The following CTNNA2 variants were observed in gnomAD, a reference collection of about 807,000 sequenced individuals.
CTNNA2 encodes catenin alpha 2, also known as catenin alpha-2.
Under a neutral mutation model 101.0 loss-of-function variants are expected in CTNNA2, and 42 were observed. The observed-to-expected ratio is 0.42, with a 90% confidence interval of 0.32 to 0.54. The LOEUF (loss-of-function observed/expected upper bound fraction) is 0.54, where lower values mean the gene tolerates loss of function less well. Among genes scored for constraint, CTNNA2 ranks in the 20% least tolerant of loss-of-function variants. The pLI, the probability that CTNNA2 is intolerant of heterozygous loss-of-function variation, is 0.14. For synonymous variants in CTNNA2, 450 were observed against 456.4 expected (o/e 0.99, Z 0.18); for missense variants, 871 against 1,223.1 (o/e 0.71, Z 4.29).
intron 4 of CTNNA2, among the ~76,000 whole-genome samples, chr2:79,413,529 G>A (rs1009022554): frequency 2.6e-5 from 4 of 152,030 alleles, no homozygotes; most frequent in African/African-American, 9.7e-5. Context: ...AATCATGGGA[G>A]TGTGAATACC....
chr2:80,080,314 C>T (rs142977376), intron 7 of CTNNA2, among the ~76,000 whole-genome samples: 12 of 152,178 alleles, frequency 7.9e-5, no homozygotes, highest in African/African-American at 1.2e-4. Flanking sequence ...GTGGTACTGG[C>T]GAAAGGAGAC....
At chr2:79,955,958 A>C (rs933602287) in intron 7 of CTNNA2, among the ~76,000 whole-genome samples, 2 of 152,250 alleles carry the variant, frequency 1.3e-5, no homozygotes, top group African/African-American at 4.8e-5. Flanking sequence ...GTTTCTGATA[A>C]GAAGTAAAAG....
chr2:79,773,163 G>T (rs945822666), intron 3 of CTNNA2, among the ~76,000 whole-genome samples: 1 of 152,194 alleles, frequency 6.6e-6, no homozygotes, highest in African/African-American at 2.4e-5. Flanking sequence ...ACATAAACTG[G>T]AAGTGTGAGT....
intron 9 of CTNNA2, among the ~76,000 whole-genome samples, chr2:80,512,677 CTTTT>C (rs5832456): frequency 6.6e-6 from 1 of 151,414 alleles, no homozygotes; most frequent in Non-Finnish European, 1.5e-5. Context: ...TTTTTAAATT[CTTTT>C]TTTTTGTTTG....
chr2:79,484,861 T>G (rs1343374129), intron 4 of CTNNA2, among the ~76,000 whole-genome samples: 1 of 152,204 alleles, frequency 6.6e-6, no homozygotes, highest in Non-Finnish European at 1.5e-5. Flanking sequence ...GAATGTCATT[T>G]TCTGTGATTT....
At chr2:79,528,926 C>A (rs1672577213) in intron 1 of CTNNA2, among the ~76,000 whole-genome samples, 1 of 152,000 alleles carries the variant, frequency 6.6e-6, no homozygotes, top group Non-Finnish European at 1.5e-5. Context: ...GAAAGTGCGG[C>A]CCGTAAACAA....
intron 9 of CTNNA2, among the ~76,000 whole-genome samples, chr2:80,451,717 T>C (rs1192841189): frequency 6.6e-6 from 1 of 152,092 alleles, no homozygotes; most frequent in Admixed American, 6.5e-5. Flanking sequence ...TAAAATATTT[T>C]ATTTAATTTT....
intron 3 of CTNNA2, among the ~76,000 whole-genome samples, chr2:79,323,112 T>G (rs114091468): frequency 7.4e-4 from 113 of 152,248 alleles, no homozygotes; most frequent in African/African-American, 2.6e-3. Flanking sequence ...CCCAGTATGT[T>G]TAGGCTCTTC....
chr2:79,893,194 T>C (rs1167405432), intron 6 of CTNNA2, among the ~76,000 whole-genome samples: 7 of 152,172 alleles, frequency 4.6e-5, no homozygotes, highest in Non-Finnish European at 7.4e-5. Context: ...TTAAGTGATA[T>C]CTTTTCCACC....
chr2:79,611,009 G>T (rs1294788760), intron 1 of CTNNA2, among the ~76,000 whole-genome samples: 1 of 152,084 alleles, frequency 6.6e-6, no homozygotes, highest in African/African-American at 2.4e-5. Flanking sequence ...ACTGCAAATG[G>T]ATATATGTAG....
chr2:80,566,280 G>A (rs1694055549), intron 12 of CTNNA2, among the ~76,000 whole-genome samples: 1 of 152,106 alleles, frequency 6.6e-6, no homozygotes, highest in Admixed American at 6.6e-5. Context: ...TTTCATTTCA[G>A]AAGTGGCATC....
At chr2:79,987,523 T>A (rs552942957) in intron 7 of CTNNA2, among the ~76,000 whole-genome samples, 1 of 152,232 alleles carries the variant, frequency 6.6e-6, no homozygotes, top group Non-Finnish European at 1.5e-5. Context: ...ATAACATGGC[T>A]GTGAGGAATG....
At chr2:79,274,524 T>C (rs1319049048) in intron 2 of CTNNA2, among the ~76,000 whole-genome samples, 4 of 152,080 alleles carry the variant, frequency 2.6e-5, no homozygotes, top group African/African-American at 9.6e-5. Context: ...AATAACCTCT[T>C]ATCTTAACAT....
intron 2 of CTNNA2, among the ~76,000 whole-genome samples, chr2:79,740,084 G>C (rs1671183748): frequency 6.6e-6 from 1 of 152,082 alleles, no homozygotes; most frequent in South Asian, 2.1e-4. Flanking sequence ...CGTGAAGGGG[G>C]TTTGTGGTAC....
intron 1 of CTNNA2, among the ~76,000 whole-genome samples, chr2:79,629,392 G>A (rs917548193): frequency 1.3e-5 from 2 of 152,110 alleles, no homozygotes; most frequent in African/African-American, 4.8e-5. Context: ...CCACATATTG[G>A]CCATCTTTTT....
intron 2 of CTNNA2, among the ~76,000 whole-genome samples, chr2:79,726,771 A>G (rs963598225): frequency 1.3e-5 from 2 of 152,230 alleles, no homozygotes; most frequent in African/African-American, 2.4e-5. Flanking sequence ...AAAATGGGGT[A>G]GAGAGATTCT....
chr2:79,865,549 C>A (rs1682007648), intron 4 of CTNNA2, among the ~76,000 whole-genome samples: 1 of 148,220 alleles, frequency 6.7e-6, no homozygotes, highest in Non-Finnish European at 1.5e-5. Flanking sequence ...GCAACGATTT[C>A]TAGTAATGGT....
chr2:79,650,786 C>T (rs933036571), intron 1 of CTNNA2, among the ~76,000 whole-genome samples: 1 of 115,590 alleles, frequency 8.7e-6, no homozygotes, highest in African/African-American at 3.2e-5. Context: ...TCCCTCCCCC[C>T]TCCCCCCACC....
At chr2:79,908,362 G>T (rs1335046089) in intron 6 of CTNNA2, among the ~76,000 whole-genome samples, 1 of 152,096 alleles carries the variant, frequency 6.6e-6, no homozygotes, top group East Asian at 1.9e-4. Flanking sequence ...GTAACAGAGT[G>T]GCAATTGCAC....
Sources: allele counts gnomAD v4.1 joint callset (sites outside exome capture counted in the v4.1 genomes callset), GRCh38; gene constraint gnomAD v4.1.1; transcripts MANE v1.5; gene names NCBI Gene and HGNC (gene_info 2026-07-23, HGNC 2026-07-21).